RTTN: variants seen among roughly 807,000 people sequenced by gnomAD.
The protein encoded by RTTN is rotatin.
In RTTN, 182 loss-of-function variants were observed where a neutral mutation model predicts 269.2. That is an observed-to-expected ratio of 0.68 (90% confidence interval 0.60 to 0.76). The LOEUF (loss-of-function observed/expected upper bound fraction) is 0.76. Ranked by LOEUF, RTTN falls within the 30% of genes least tolerant of loss-of-function variation. The pLI is 0.00. For synonymous variants in RTTN, 1,006 were observed against 963.5 expected, an observed-to-expected ratio of 1.04 and a Z score of -0.82; for missense variants, 2,545 against 2,608.6, an observed-to-expected ratio of 0.98 and a Z score of 0.53.
chr18:70,194,987 G>C lies in RTTN; in HGVS notation c.841+1514C>G, dbSNP rs182114005. Reference sequence around the variant, plus strand: ...TTACCCCAATTTAAAAAAAGAATTAGGTAATAAAAGCATTTACAGTCAGAG... The same window carrying C: ...TTACCCCAATTTAAAAAAAGAATTACGTAATAAAAGCATTTACAGTCAGAG... On this transcript the variant is annotated intron_variant, in intron 7 of 48. Transcript: ENST00000640769. Among the ~76,000 whole-genome samples the C allele has an allele frequency of 1.0e-3, 155 of 152,070 alleles. 1 individual carries two copies. Among genetic ancestry groups the C allele is most frequent in the Non-Finnish European group, 4.0e-4 (27 of 67,962 alleles).
chr18:70,201,961 G>A lies in RTTN; in HGVS notation c.420C>T (p.Ile140=). ...NQTELSKNPE[I]LTGYFPQDKS... is the part of the protein sequence containing the mutation. ...TGTCTTGGGGAAAATATCCTGTTAA[G>A]ATTTCAGGGTTTTTTGACAATTCTG... The change falls in exon 4 of 49, where the codon ATC becomes ATT. Residue 140 remains isoleucine (I), a synonymous_variant. Coordinates refer to ENST00000640769, the MANE Select transcript of RTTN (RefSeq NM_173630.4). 1 of 1,608,636 alleles carries A rather than the reference G, an allele frequency of 6.2e-7. No individual in the cohort carries two copies. Among genetic ancestry groups the A allele is most frequent in the Non-Finnish European group, 8.5e-7 (1 of 1,175,502 alleles).
At chr18:70,139,758 T>C in intron 20 of RTTN, 42 bp from the exon 21 acceptor site, 1 of 1,215,378 alleles carries the variant, frequency 8.2e-7, no homozygotes, top group Non-Finnish European at 1.2e-6. Context: ...TTTCACCAAT[T>C]ATCAGGTGAG....
At chr18:70,029,318 A>G (rs1235203464) in intron 42 of RTTN, among the ~76,000 whole-genome samples, 1 of 152,202 alleles carries the variant, frequency 6.6e-6, no homozygotes, top group Non-Finnish European at 1.5e-5. Context: ...ACATATATGT[A>G]TATTTATATA....
chr18:70,037,553 T>C (rs1255192314), intron 40 of RTTN, among the ~76,000 whole-genome samples: 2 of 152,148 alleles, frequency 1.3e-5, no homozygotes, highest in East Asian at 1.9e-4. Context: ...AAACCAGTCC[T>C]GGCAGGATTC....
At chr18:70,031,562 T>C (rs1404025261) in intron 40 of RTTN, 1 of 389,880 alleles carries the variant, frequency 2.6e-6, no homozygotes, top group Non-Finnish European at 4.5e-6. Flanking sequence ...ACTATTTCTG[T>C]ATATTTCCTT....
At chr18:70,181,156 T>C (rs1477700702) in intron 10 of RTTN, among the ~76,000 whole-genome samples, 1 of 152,200 alleles carries the variant, frequency 6.6e-6, no homozygotes, top group East Asian at 1.9e-4. Context: ...CATTCTACAA[T>C]TCTACCAACA....
intron 8 of RTTN, among the ~76,000 whole-genome samples, chr18:70,191,815 T>A (rs1454710323): frequency 6.6e-6 from 1 of 152,118 alleles, no homozygotes; most frequent in Non-Finnish European, 1.5e-5. Context: ...CCCCAAAATA[T>A]GGAAACAACT....
chr18:70,031,144 G>A (rs187359356), intron 40 of RTTN, among the ~76,000 whole-genome samples, 163 bp from the exon 41 acceptor site: 15 of 152,290 alleles, frequency 9.8e-5, no homozygotes, highest in Admixed American at 3.9e-4. Flanking sequence ...AATGTTCTGC[G>A]TGGATAAGAC....
At chr18:70,136,616 A>G (rs1171518079) in intron 21 of RTTN, among the ~76,000 whole-genome samples, 1 of 152,024 alleles carries the variant, frequency 6.6e-6, no homozygotes, top group Non-Finnish European at 1.5e-5. Context: ...AAACTAAAAT[A>G]AGAAAATAAA....
At chr18:70,081,872 G>T (rs71370386) in intron 32 of RTTN, among the ~76,000 whole-genome samples, 1 of 151,778 alleles carries the variant, frequency 6.6e-6, no homozygotes, top group African/African-American at 2.4e-5. Context: ...TTATGTAAGA[G>T]GATATCCTTA....
chr18:70,169,050 T>C lies in RTTN; in HGVS notation c.1494A>G (p.Ser498=). 6.3e-7 allele frequency: 1 copy of C among 1,593,468 alleles called. No individual in the cohort carries two copies. The highest frequency in any genetic ancestry group is 8.5e-7 in the Non-Finnish European group (1 of 1,174,530). Residue 498 remains serine (S), a synonymous_variant, in exon 12 of 49, where the codon TCA becomes TCG. Transcript: ENST00000640769. ...LPVEKASEFL[S]EPMSTALFLL... is the part of the protein sequence containing the mutation. Reference sequence around the variant, plus strand: ...GAAATAATGCTGTTGACATAGGCTCTGATAAAAACTCGCTTGCCTTGGTGA... The same window carrying C: ...GAAATAATGCTGTTGACATAGGCTCCGATAAAAACTCGCTTGCCTTGGTGA...
Position 70,114,539 on chromosome 18 carries a change from C to T in RTTN, c.3589G>A (p.Asp1197Asn). 6.2e-7 allele frequency: 1 copy of T among 1,613,714 alleles called. No homozygotes were observed. The change falls in exon 27 of 49, where the codon GAT (aspartate) becomes AAT (asparagine). Residue 1197 changes from aspartate (D) to asparagine (N), a missense_variant. Coordinates refer to ENST00000640769, the MANE Select transcript of RTTN (RefSeq NM_173630.4). The stretch of plus-strand genomic sequence containing the variant: ...TGCCTGACAGCAGTCCGGATATCAT[C>T]TGTTTCTTCTCGTGCCTGTGACTCT... Reference protein sequence around the residue: ...LTESQAREETDDIRTAVRQQL... With the variant: ...LTESQAREETNDIRTAVRQQL...
rs376491304 is a variant in RTTN, at chr18:70,096,675, G to A, written c.3904-3871C>T. On this transcript the variant is annotated intron_variant, in intron 28 of 48. Coordinates refer to ENST00000640769, the MANE Select transcript of RTTN (RefSeq NM_173630.4). ...GCCTGTTCCTTACTCTGGAAGCTTC[G>A]TCCCAGAGGGGCATTGCCAGATGCC... 9.9e-5 allele frequency among the ~76,000 whole-genome samples: 15 copies of A among 152,284 alleles called. No homozygotes were observed. The South Asian group carries it at 2.5e-3, about 25-fold the overall frequency.
intron 45 of RTTN, among the ~76,000 whole-genome samples, chr18:70,019,076 T>C (rs752636160): frequency 2.0e-5 from 3 of 152,160 alleles, no homozygotes; most frequent in Non-Finnish European, 4.4e-5. Flanking sequence ...GTCTCAGGCA[T>C]TTCCTAATTA....
chr18:70,153,291 A>G (rs572051002), intron 14 of RTTN, among the ~76,000 whole-genome samples: 7 of 152,154 alleles, frequency 4.6e-5, no homozygotes, highest in African/African-American at 1.7e-4. Context: ...AACTATATAT[A>G]CATATATACA....
chr18:70,067,183 G>A (rs777912934), intron 34 of RTTN, among the ~76,000 whole-genome samples: 73 of 139,962 alleles, frequency 5.2e-4, no homozygotes, highest in Non-Finnish European at 8.0e-4. Context: ...TTTTTGAGAC[G>A]GAGTCTCACT....
intron 9 of RTTN, among the ~76,000 whole-genome samples, 187 bp from the exon 10 acceptor site, chr18:70,188,410 A>G (rs2061596114): frequency 6.6e-6 from 1 of 152,246 alleles, no homozygotes; most frequent in Non-Finnish European, 1.5e-5. Context: ...TTCCAGTCAC[A>G]GTACTACTTT....
chr18:70,196,978 A>G (rs1441494431), intron 6 of RTTN, among the ~76,000 whole-genome samples: 1 of 152,250 alleles, frequency 6.6e-6, no homozygotes, highest in Non-Finnish European at 1.5e-5. Context: ...TAAAAATCAC[A>G]GCAAGCCCTT....
intron 1 of RTTN, 37 bp downstream of exon 1, chr18:70,205,591 G>C (rs757133356): frequency 1.9e-6 from 3 of 1,611,314 alleles, no homozygotes; most frequent in African/African-American, 1.3e-5. Context: ...GCCAGAGCGC[G>C]GGGGGTGCCT....
Sources: gnomAD v4.1 joint callset for allele counts (sites outside exome capture counted in the v4.1 genomes callset) on GRCh38, gnomAD v4.1.1 for gene constraint, MANE v1.5 for transcripts, NCBI Gene and HGNC (gene_info 2026-07-23, HGNC 2026-07-21) for gene names.